FAM171A1: variants seen among roughly 807,000 people sequenced by gnomAD.
The protein encoded by FAM171A1 is protein FAM171A1.
A neutral mutation model predicts 74.9 loss-of-function variants in FAM171A1; 23 were observed. The observed-to-expected ratio is 0.31, with a 90% CI of 0.22 to 0.44. FAM171A1 has a LOEUF of 0.44. FAM171A1 is among the 20% of genes least tolerant of loss of function. The pLI is 1.00. For missense variants in FAM171A1, 1,162 were observed against 1,159.2 expected (o/e 1.00, Z -0.03); for synonymous variants, 527 against 505.7 (o/e 1.04, Z -0.57).
At chr10:15,309,726 C>T (rs1368507247) in intron 1 of FAM171A1, among the ~76,000 whole-genome samples, 2 of 152,240 alleles carry the variant, frequency 1.3e-5, no homozygotes, top group Non-Finnish European at 2.9e-5. Context: ...TCCCACCTAA[C>T]TTCTAAAGAC....
intron 1 of FAM171A1, among the ~76,000 whole-genome samples, chr10:15,327,195 C>T (rs546622589): frequency 6.6e-6 from 1 of 152,178 alleles, no homozygotes; most frequent in Non-Finnish European, 1.5e-5. Context: ...CAGCTCTACC[C>T]ATTATCAGCT....
At chr10:15,308,521 T>C (rs1477504114) in intron 1 of FAM171A1, among the ~76,000 whole-genome samples, 1 of 152,044 alleles carries the variant, frequency 6.6e-6, no homozygotes, top group Non-Finnish European at 1.5e-5. Flanking sequence ...TGGAGTGCAG[T>C]GGCACGATTT....
At chr10:15,253,170 A>AT (rs1461512331) in intron 4 of FAM171A1, among the ~76,000 whole-genome samples, 1 of 151,852 alleles carries the variant, frequency 6.6e-6, no homozygotes, top group East Asian at 1.9e-4. Context: ...CACCCAGCTA[A>AT]TTTTTGTATT....
At chr10:15,369,199 TTATATATATATTGAA>T (rs1035603502) in intron 1 of FAM171A1, among the ~76,000 whole-genome samples, 4 of 147,518 alleles carry the variant, frequency 2.7e-5, no homozygotes, top group African/African-American at 1.0e-4. Context: ...CCTAAACCTG[TTATATATATATTGAA>T]TATATATATA....
intron 5 of FAM171A1, among the ~76,000 whole-genome samples, chr10:15,225,764 AG>A (rs1834098696): frequency 6.6e-6 from 1 of 152,168 alleles, no homozygotes; most frequent in South Asian, 2.1e-4. Flanking sequence ...AGACAGAGCA[AG>A]GGAGGAACCA....
intron 5 of FAM171A1, among the ~76,000 whole-genome samples, chr10:15,223,532 C>T (rs887313192): frequency 6.6e-6 from 1 of 152,196 alleles, no homozygotes; most frequent in African/African-American, 2.4e-5. Context: ...ACCTGCCTTT[C>T]TCCTGCCTTT....
intron 3 of FAM171A1, among the ~76,000 whole-genome samples, chr10:15,258,619 C>T (rs1346647748): frequency 2.0e-5 from 3 of 152,190 alleles, no homozygotes; most frequent in African/African-American, 7.2e-5. Context: ...GGCTTCTACC[C>T]ACAATGCATG....
chr10:15,303,934 C>T (rs1460204119), intron 1 of FAM171A1, among the ~76,000 whole-genome samples: 1 of 152,194 alleles, frequency 6.6e-6, no homozygotes, highest in Non-Finnish European at 1.5e-5. Context: ...CTGACCTGCC[C>T]TCCTTGTGCG....
intron 5 of FAM171A1, among the ~76,000 whole-genome samples, chr10:15,233,337 T>A (rs1262606517): frequency 6.6e-6 from 1 of 152,024 alleles, no homozygotes; most frequent in East Asian, 1.9e-4. Context: ...TTTTTTTCCC[T>A]AAAGGATCTA....
intron 1 of FAM171A1, among the ~76,000 whole-genome samples, chr10:15,348,384 C>A (rs1011430716): frequency 6.7e-6 from 1 of 149,670 alleles, no homozygotes; most frequent in South Asian, 2.1e-4. Flanking sequence ...GTGATCCTCC[C>A]GCCTCAGCCT....
chr10:15,359,588 T>C (rs1835969834), intron 1 of FAM171A1, among the ~76,000 whole-genome samples: 1 of 152,046 alleles, frequency 6.6e-6, no homozygotes, highest in Non-Finnish European at 1.5e-5. Flanking sequence ...CAAGCCCTCA[T>C]CCCCGGAACC....
intron 1 of FAM171A1, among the ~76,000 whole-genome samples, chr10:15,313,163 C>T (rs1243179715): frequency 6.6e-6 from 1 of 152,138 alleles, no homozygotes; most frequent in Non-Finnish European, 1.5e-5. Flanking sequence ...TGGATGGGAG[C>T]ACGGTTCCTC....
intron 1 of FAM171A1, among the ~76,000 whole-genome samples, chr10:15,322,124 A>T (rs1359250124): frequency 1.3e-5 from 2 of 152,200 alleles, no homozygotes; most frequent in Non-Finnish European, 2.9e-5. Flanking sequence ...ATATCTTTTA[A>T]ACCCTTTGCA....
chr10:15,353,579 C>T (rs960809147), intron 1 of FAM171A1, among the ~76,000 whole-genome samples: 1 of 152,202 alleles, frequency 6.6e-6, no homozygotes, highest in African/African-American at 2.4e-5. Context: ...AAAACATCGT[C>T]TCTTTTTATA....
chr10:15,252,240 CTTCTCCACT>C (rs1461539166), intron 4 of FAM171A1, among the ~76,000 whole-genome samples: 4 of 152,170 alleles, frequency 2.6e-5, no homozygotes, highest in Non-Finnish European at 4.4e-5. Flanking sequence ...AGAGAAGATG[CTTCTCCACT>C]TACTTACAAC....
Position 15,371,103 on chromosome 10 carries a change from G to T in FAM171A1, c.-51C>A. 4.6e-6 allele frequency: 4 copies of T among 874,552 alleles called. No individual in the cohort carries two copies. Among genetic ancestry groups the T allele is most frequent in the Non-Finnish European group, 5.5e-6 (4 of 731,332 alleles). The allele number at this position is 874,552 out of a possible 1,614,324, so 54.2% of individuals were successfully genotyped here. The stretch of plus-strand genomic sequence containing the variant: ...CGGGCTCGCCGAGAGCGGGCCGGGC[G>T]GCGGCGCGTCACGGGCGGCCGGGCG... On this transcript the variant is annotated 5_prime_UTR_variant, in exon 1 of 8. Coordinates refer to ENST00000378116, the MANE Select transcript of FAM171A1 (RefSeq NM_001010924.2).
chr10:15,270,812 G>A (rs952832492), intron 3 of FAM171A1, among the ~76,000 whole-genome samples: 15 of 152,146 alleles, frequency 9.9e-5, no homozygotes, highest in African/African-American at 3.1e-4. Context: ...TGCAGCTGAG[G>A]GTCCTGACTG....
intron 1 of FAM171A1, among the ~76,000 whole-genome samples, chr10:15,293,699 A>G (rs981164274): frequency 7.2e-5 from 11 of 152,320 alleles, no homozygotes; most frequent in Admixed American, 5.2e-4. Flanking sequence ...TATGGTGTGA[A>G]CACTGATACT....
intron 4 of FAM171A1, among the ~76,000 whole-genome samples, chr10:15,253,012 G>A (rs1564623520): frequency 1.3e-5 from 2 of 150,566 alleles, no homozygotes; most frequent in African/African-American, 4.9e-5. Flanking sequence ...TTGTTTTTTT[G>A]TTTTTTTTTG....
Sources: gnomAD v4.1 joint callset for allele counts (sites outside exome capture counted in the v4.1 genomes callset) on GRCh38, gnomAD v4.1.1 for gene constraint, MANE v1.5 for transcripts, NCBI Gene and HGNC (gene_info 2026-07-23, HGNC 2026-07-21) for gene names.